Variants in PGM3 observed in about 807,000 individuals in gnomAD.
PGM3 encodes the protein phosphoacetylglucosamine mutase.
Under a neutral mutation model 66.2 loss-of-function variants are expected in PGM3, and 40 were observed. The ratio of observed to expected loss-of-function variants is 0.60; its 90% CI spans 0.47 to 0.79. PGM3 has a LOEUF of 0.79. Among genes scored for constraint, PGM3 ranks in the 30% least tolerant of loss-of-function variants. The probability of loss-of-function intolerance (pLI) is 0.00; values close to 1 mark genes in which losing one functional copy is unlikely to be tolerated. For missense variants in PGM3, 537 were observed against 643.4 expected, an observed-to-expected ratio of 0.83 and a Z score of 1.79; for synonymous variants, 191 against 224.2, an observed-to-expected ratio of 0.85 and a Z score of 1.32.
rs1311485322 is a variant in PGM3, at chr6:83,166,176, C to T, written c.*3058G>A. 2 of 499,654 alleles carry T rather than the reference C, an allele frequency of 4.0e-6. No individual in the cohort carries two copies. Among genetic ancestry groups the T allele is most frequent in the Non-Finnish European group, 7.0e-6 (2 of 284,276 alleles). The allele number at this position is 499,654 out of a possible 1,614,324, so 31.0% of individuals were successfully genotyped here. A position where few individuals can be genotyped will look rare whatever the true frequency, so the allele number is the denominator to read the frequency against. On this transcript the variant is annotated 3_prime_UTR_variant, in exon 13 of 13. Coordinates refer to ENST00000513973, the MANE Select transcript of PGM3 (RefSeq NM_015599.3). ...ATTTTTCACTCAGCTCATGAGGCAC[C>T]CATTTATTGAGCTTTTTCACCTTTT... is the stretch of plus-strand genomic sequence containing the variant.
At chr6:83,162,194 G>A (rs1784392295), downstream of PGM3, among the ~76,000 whole-genome samples, 1 of 152,024 alleles carries the variant, frequency 6.6e-6, no homozygotes, top group Non-Finnish European at 1.5e-5. Context: ...AGGGGAGACT[G>A]CCTTTCTTTG....
At chr6:83,158,191 C>T (rs1290039152), downstream of PGM3, among the ~76,000 whole-genome samples, 2 of 151,912 alleles carry the variant, frequency 1.3e-5, no homozygotes, top group Non-Finnish European at 2.9e-5. Context: ...TTAGTAAAGA[C>T]GGGGTTTCAG....
At chr6:83,184,425 G>T (rs947207118) in intron 4 of PGM3, among the ~76,000 whole-genome samples, 15 of 152,198 alleles carry the variant, frequency 9.9e-5, no homozygotes, top group Admixed American at 5.2e-4. Flanking sequence ...AGGAGATGGA[G>T]AAGCTCAAAA....
chr6:83,182,022 A>G, intron 5 of PGM3, 91 bp from the exon 6 acceptor site: 1 of 604,796 alleles, frequency 1.7e-6, no homozygotes. Context: ...GCATATGTAA[A>G]TATTTAGTTA....
downstream of PGM3, among the ~76,000 whole-genome samples, chr6:83,159,139 G>A (rs1182099422): frequency 5.9e-5 from 9 of 152,092 alleles, no homozygotes; most frequent in African/African-American, 2.2e-4. Flanking sequence ...TTCTTCAGTA[G>A]TAGATTTATA....
chr6:83,188,594 C>A lies in PGM3; in HGVS notation c.389+20G>T, dbSNP rs1788788341. 4 of 1,549,636 alleles carry A rather than the reference C, an allele frequency of 2.6e-6. No individual in the cohort carries two copies. The highest frequency in any genetic ancestry group is 3.5e-6 in the Non-Finnish European group (4 of 1,132,926). On this transcript the variant is annotated intron_variant, in intron 3 of 12. Coordinates refer to ENST00000513973, the MANE Select transcript of PGM3 (RefSeq NM_015599.3). ...ACGTTCCCAAAGGTTTTTTTTTTTA[C>A]CAGTAACTCTTATCATCACCTGGTA...
chr6:83,160,368 A>G (rs1313851799), downstream of PGM3, among the ~76,000 whole-genome samples: 1 of 152,232 alleles, frequency 6.6e-6, no homozygotes, highest in East Asian at 1.9e-4. Context: ...GAGAGTGAAG[A>G]TAGAGGCAGC....
chr6:83,171,812 A>T (rs1787208045), intron 11 of PGM3, 125 bp downstream of exon 11: 2 of 746,420 alleles, frequency 2.7e-6, no homozygotes, highest in Non-Finnish European at 4.2e-6. Context: ...CTTATTTTCT[A>T]TGTATCATAT....
At chr6:83,162,881 G>C, downstream of PGM3, 1 of 1,613,164 alleles carries the variant, frequency 6.2e-7, no homozygotes, top group Non-Finnish European at 8.5e-7. Flanking sequence ...TAAACCTTAC[G>C]TGGTACGACT....
intron 1 of PGM3, chr6:83,192,971 G>C (rs891629485): frequency 2.0e-5 from 3 of 152,206 alleles, no homozygotes; most frequent in African/African-American, 7.2e-5. Flanking sequence ...CCAGAGCCCC[G>C]GCAGGAGACC....
downstream of PGM3, among the ~76,000 whole-genome samples, chr6:83,163,732 A>C (rs1784775130): frequency 6.6e-6 from 1 of 152,120 alleles, no homozygotes; most frequent in African/African-American, 2.4e-5. Context: ...TACAGATTGC[A>C]AGACCCCCAC....
chr6:83,180,404 C>T (rs571163871), intron 6 of PGM3, among the ~76,000 whole-genome samples: 32 of 152,136 alleles, frequency 2.1e-4, no homozygotes, highest in Non-Finnish European at 4.3e-4. Context: ...AAAAGAAACA[C>T]TGATAATTAA....
chr6:83,167,072 A>C lies in PGM3; in HGVS notation c.*2162T>G. ...AGGTGGCTTCTCAAACTAGCCTCTT[A>C]ATACCCAAATTATTAGTCTTTATAT... On this transcript the variant is annotated 3_prime_UTR_variant, in exon 13 of 13. Transcript: ENST00000513973. The C allele has an allele frequency of 1.0e-6, 1 of 984,694 alleles. No individual in the cohort carries two copies. Among genetic ancestry groups the C allele is most frequent in the South Asian group, 4.7e-5 (1 of 21,268 alleles). 61.0% of individuals were successfully genotyped at this position (984,694 alleles called of 1,614,324 possible).
Position 83,179,890 on chromosome 6 carries a change from C to T in PGM3, c.865G>A (p.Ala289Thr). The change falls in exon 7 of 13, where the codon GCA (alanine) becomes ACA (threonine). Residue 289 changes from alanine (A) to threonine (T), a missense_variant. Physicochemically the swap from Ala to Thr is moderately conservative, Grantham distance 58. Coordinates refer to ENST00000513973, the MANE Select transcript of PGM3 (RefSeq NM_015599.3). Reference protein sequence around the residue: ...ADRIVYYYHDADGHFHLIDGD... With the variant: ...ADRIVYYYHDTDGHFHLIDGD... ...TCTATGAGATGAAAGTGGCCATCTGCATCATGGTAGTAATAAACAATTCTG... is the reference window on the plus strand; with the variant it reads ...TCTATGAGATGAAAGTGGCCATCTGTATCATGGTAGTAATAAACAATTCTG... 1 of 1,612,718 alleles carries T rather than the reference C, an allele frequency of 6.2e-7. No individual in the cohort carries two copies. Among genetic ancestry groups the T allele is most frequent in the Non-Finnish European group, 8.5e-7 (1 of 1,178,856 alleles).
intron 7 of PGM3, among the ~76,000 whole-genome samples, chr6:83,179,119 T>C (rs1006194575): frequency 1.3e-5 from 2 of 152,086 alleles, no homozygotes; most frequent in African/African-American, 4.8e-5. Flanking sequence ...GAGACCAGCC[T>C]GGCCAACATG....
At chr6:83,170,565 C>T (rs1340849720) in intron 11 of PGM3, 87 bp from the exon 12 acceptor site, 2 of 986,816 alleles carry the variant, frequency 2.0e-6, no homozygotes, top group African/African-American at 1.6e-5. Context: ...CGAAAAGTGC[C>T]AGACTAAATA....
intron 12 of PGM3, 167 bp from the exon 13 acceptor site, chr6:83,169,490 A>G: frequency 1.3e-6 from 1 of 748,412 alleles, no homozygotes; most frequent in Admixed American, 2.9e-5. Flanking sequence ...ACAAATTCCA[A>G]AGCCCTTAAA....
At chr6:83,188,581 G>GTT (rs35905342) in intron 3 of PGM3, 33 bp downstream of exon 3, 74 of 1,301,204 alleles carry the variant, frequency 5.7e-5, no homozygotes, top group Middle Eastern at 2.0e-4. Context: ...GTTCCCAAAG[G>GTT]TTTTTTTTTT....
chr6:83,153,145 CAATT>C, the PGM3 span, among the ~76,000 whole-genome samples: 14 of 133,884 alleles, frequency 1.0e-4, no homozygotes, highest in African/African-American at 4.0e-4. Context: ...CAGCCCAGTT[CAATT>C]GTTTGTTTTT....
Sources: gnomAD v4.1 joint callset for allele counts (sites outside exome capture counted in the v4.1 genomes callset) on GRCh38, gnomAD v4.1.1 for gene constraint, MANE v1.5 for transcripts, NCBI Gene and HGNC (gene_info 2026-07-23, HGNC 2026-07-21) for gene names.